Variants in BRD2 observed in about 807,000 individuals in gnomAD.
BRD2 encodes the protein bromodomain-containing protein 2.
Under a neutral mutation model 79.1 loss-of-function variants are expected in BRD2, and 15 were observed. The ratio of observed to expected loss-of-function variants is 0.19; its 90% CI spans 0.13 to 0.29. BRD2 has a LOEUF of 0.29. BRD2 is among the 10% of genes least tolerant of loss of function. The probability of loss-of-function intolerance (pLI) is 1.00; values close to 1 mark genes in which losing one functional copy is unlikely to be tolerated. For synonymous variants in BRD2, 488 were observed against 358.6 expected (o/e 1.36, Z -4.08); for missense variants, 1,053 against 991.3 (o/e 1.06, Z -0.84).
Position 32,971,749 on chromosome 6 carries a change from G to A in BRD2, c.-1150G>A, listed in dbSNP as rs372327634. The A allele has an allele frequency of 4.3e-4, 247 of 580,270 alleles. 2 individuals carry two copies. The East Asian group carries it at 6.8e-3, about 16-fold the overall frequency. The allele number at this position is 580,270 out of a possible 1,614,324, so 35.9% of individuals were successfully genotyped here. ...GAGCTACGAATGGCACGACCTGCTCGAGCTTGGCAGTCTCCAGTTGGGCTG... is the reference window on the plus strand; with the variant it reads ...GAGCTACGAATGGCACGACCTGCTCAAGCTTGGCAGTCTCCAGTTGGGCTG... On this transcript the variant is annotated 5_prime_UTR_variant, in exon 2 of 13. Transcript: ENST00000374825.
rs112099614 is a variant in BRD2, at chr6:32,973,265, T to TG, written c.29+339dup. The TG allele has an allele frequency of 1.1e-3, 1,118 of 1,054,946 alleles. 8 individuals are homozygous for TG. In the African/African-American group the frequency reaches 0.017, roughly 16 times the overall value. The allele number at this position is 1,054,946 out of a possible 1,614,324, so 65.3% of individuals were successfully genotyped here. ...GTGGGTCTGGTATCTAGCGGCGGTC[T>TG]GTTAGCCTTTTAGGGGGGATTCACG... On this transcript the variant is annotated intron_variant, in intron 2 of 12. Transcript: ENST00000374825.
Position 32,972,113 on chromosome 6 carries a change from A to T in BRD2, c.-786A>T, listed in dbSNP as rs1242393260. On this transcript the variant is annotated 5_prime_UTR_variant, in exon 2 of 13. An upstream open reading frame in the 5' UTR gains an earlier in-frame stop. Coordinates refer to ENST00000374825, the MANE Select transcript of BRD2 (RefSeq NM_005104.4). ...GCGCGCGCGCGCGGAGGGGGTGGGG[A>T]AAAGCTCAAGCAGGGTGGCGCGCAT... 1.4e-6 allele frequency: 1 copy of T among 689,808 alleles called. No individual in the cohort carries two copies. The highest frequency in any genetic ancestry group is 1.5e-5 in the South Asian group (1 of 66,006). The allele number at this position is 689,808 out of a possible 1,614,324, so 42.7% of individuals were successfully genotyped here. A position where few individuals can be genotyped will look rare whatever the true frequency, so the allele number is the denominator to read the frequency against.
At chr6:32,975,652 C>T in intron 4 of BRD2, 131 bp downstream of exon 4, 4 of 1,130,316 alleles carry the variant, frequency 3.5e-6, no homozygotes, top group South Asian at 1.5e-5. Flanking sequence ...TAGTCGGAGT[C>T]TTAAAAACCT....
At position 32,969,848 on chromosome 6, in the gene BRD2, T is replaced by A. The variant is rs554716658; in HGVS notation, c.-1305+792T>A. ...ATTTCACAGCTCCCAAGGTTTCGGG[T>A]TTCTCCAGGGTGGCCTCTTCCATCG... On this transcript the variant is annotated intron_variant, in intron 1 of 12. Transcript: ENST00000374825. 3.3e-5 allele frequency among the ~76,000 whole-genome samples: 5 copies of A among 152,146 alleles called. 1 individual carries two copies. Among genetic ancestry groups the A allele is most frequent in the African/African-American group, 1.2e-4 (5 of 41,492 alleles).
rs959520678 is a variant in BRD2, at chr6:32,969,499, C to A, written c.-1305+443C>A. 4 of 600,896 alleles carry A rather than the reference C, an allele frequency of 6.7e-6. No individual in the cohort carries two copies. In the South Asian group the frequency reaches 7.5e-5, roughly 11 times the overall value. 37.2% of individuals were successfully genotyped at this position (600,896 alleles called of 1,614,324 possible). On this transcript the variant is annotated intron_variant, in intron 1 of 12. Coordinates refer to ENST00000374825, the MANE Select transcript of BRD2 (RefSeq NM_005104.4). ...TGAGGTTGTTCCCAGGCGCCAACTT[C>A]CTTTCTCCCCAGAGCCTCTGGAGGG...
Position 32,972,166 on chromosome 6 carries a change from A to G in BRD2, c.-733A>G, listed in dbSNP as rs970157909. The G allele has an allele frequency of 1.6e-6, 1 of 624,286 alleles. No homozygotes were observed. The highest frequency in any genetic ancestry group is 2.9e-6 in the Non-Finnish European group (1 of 343,694). The allele number at this position is 624,286 out of a possible 1,614,324, so 38.7% of individuals were successfully genotyped here. On this transcript the variant is annotated 5_prime_UTR_variant, in exon 2 of 13. Coordinates refer to ENST00000374825, the MANE Select transcript of BRD2 (RefSeq NM_005104.4). ...GCGGCGAAGCTCCTCCTCCCCGCCT[A>G]TATATAAAGGGCTGGCGCGGGGCTC...
At chr6:32,974,997 T>C (rs1455588705) in intron 3 of BRD2, 7 of 1,518,802 alleles carry the variant, frequency 4.6e-6, no homozygotes, top group African/African-American at 4.1e-5. Flanking sequence ...TCCTTAACTT[T>C]TGTGCCCTGG....
rs765704299 is a variant in BRD2 at position 32,976,157 on chromosome 6, G to A, written c.598G>A (p.Ala200Thr). The change falls in exon 5 of 13, where the codon GCC (alanine) becomes ACC (threonine). Residue 200 changes from alanine to threonine, a missense_variant. By Grantham distance (58) the Ala-to-Thr change is moderately conservative. This residue lies in a region of BRD2 where 413 missense variants were observed against 335.1 expected (regional missense o/e 1.23). Transcript: ENST00000374825. The part of the protein sequence containing the change: ...TIPKNSHKKG[A>T]KLAALQGSVT... ...CCCTAAGAACAGCCACAAGAAGGGG[G>A]CCAAGTTGGCAGGTAGGAAGAGTGG... is the stretch of plus-strand genomic sequence containing the variant. The A allele has an allele frequency of 6.2e-7, 1 of 1,612,272 alleles. No individual in the cohort carries two copies. The highest frequency in any genetic ancestry group is 2.2e-5 in the East Asian group (1 of 44,880).
rs772456832 is a variant in BRD2, at chr6:32,974,741, G to A, written c.309G>A (p.Val103=). The change falls in exon 3 of 13, where the codon GTG becomes GTA. Residue 103 remains valine (V), a synonymous_variant. Transcript: ENST00000374825. ...HQFAWPFRQP[V]DAVKLGLPDY... is the part of the protein sequence containing the mutation. Reference sequence around the variant, plus strand: ...TCGCATGGCCATTCCGGCAGCCTGTGGATGCTGTCAAACTGGGTCTACCGG... The same window carrying A: ...TCGCATGGCCATTCCGGCAGCCTGTAGATGCTGTCAAACTGGGTCTACCGG... 9 of 1,613,882 alleles carry A rather than the reference G, an allele frequency of 5.6e-6. No homozygotes were observed. Among genetic ancestry groups the A allele is most frequent in the African/African-American group, 1.3e-5 (1 of 74,930 alleles).
chr6:32,980,135 A>G lies in BRD2; in HGVS notation c.2146+3A>G. 1.2e-6 allele frequency: 2 copies of G among 1,609,754 alleles called. No homozygotes were observed. The highest frequency in any genetic ancestry group is 1.7e-6 in the Non-Finnish European group (2 of 1,178,718). On this transcript the variant is annotated splice_donor_region_variant and intron_variant, in intron 11 of 12. Transcript: ENST00000374825. ...TAAGAAACCCCGGAAGCCCTACAGTACGTATGAAATGAGGTTCATCTCATG... is the reference window on the plus strand; with the variant it reads ...TAAGAAACCCCGGAAGCCCTACAGTGCGTATGAAATGAGGTTCATCTCATG...
In BRD2 at chr6:32,976,017, C is replaced by CT. The variant is rs920630534; in HGVS notation, c.472-13dup. ...ATTTTTTAACTTTCTTTATTGCTGT[C>CT]TGTGTTCTCATAGCCCACTGATGAT... On this transcript the variant is annotated splice_polypyrimidine_tract_variant and intron_variant, in intron 4 of 12. Transcript: ENST00000374825. 4 of 1,587,850 alleles carry CT rather than the reference C, an allele frequency of 2.5e-6. No individual in the cohort carries two copies. Among genetic ancestry groups the CT allele is most frequent in the Non-Finnish European group, 3.4e-6 (4 of 1,171,344 alleles).
At chr6:32,974,845 T>C (rs1487720269) in intron 3 of BRD2, 80 bp downstream of exon 3, 3 of 1,521,338 alleles carry the variant, frequency 2.0e-6, no homozygotes, top group Non-Finnish European at 2.7e-6. Context: ...CTAGTGTAGA[T>C]GCTGCGGCCC....
Position 32,976,576 on chromosome 6 carries a change from G to A in BRD2, c.840G>A (p.Lys280=). ...TCTTTCTGCAGAAAAAAGGCGTAAA[G>A]CGGAAAGCAGATACTACCACCCCTA... ...AQPLAKKKGV[K]RKADTTTPTP... is the part of the protein sequence containing the mutation. Residue 280 remains lysine (K), a synonymous_variant, in exon 7 of 13, where the codon AAG becomes AAA. Transcript: ENST00000374825. 6.3e-7 allele frequency: 1 copy of A among 1,595,946 alleles called. No individual in the cohort carries two copies.
intron 10 of BRD2, 174 bp from the exon 11 acceptor site, chr6:32,979,654 A>G (rs7762195): frequency 1.5e-6 from 1 of 677,338 alleles, no homozygotes; most frequent in Admixed American, 3.1e-5. Flanking sequence ...CAGTCGAGCA[A>G]AATGCTCTGT....
chr6:32,971,558 C>A, intron 1 of BRD2, 37 bp from the exon 2 acceptor site: 1 of 458,914 alleles, frequency 2.2e-6, no homozygotes, highest in Non-Finnish European at 3.8e-6. Flanking sequence ...AGGAGCAGGC[C>A]GCGGCTTCTA....
Position 32,980,932 on chromosome 6 carries a change from G to A in BRD2, c.*214G>A, listed in dbSNP as rs1402832490. The A allele has an allele frequency of 1.6e-6, 1 of 610,364 alleles. No individual in the cohort carries two copies. The allele number at this position is 610,364 out of a possible 1,614,324, so 37.8% of individuals were successfully genotyped here. A position where few individuals can be genotyped will look rare whatever the true frequency, so the allele number is the denominator to read the frequency against. ...ACAACATTGAATTCCCAGCCCCATT[G>A]GGGAGTGATCTCTTGGACACAGAGC... On this transcript the variant is annotated 3_prime_UTR_variant, in exon 13 of 13. Coordinates refer to ENST00000374825, the MANE Select transcript of BRD2 (RefSeq NM_005104.4).
At chr6:32,978,036 G>T (rs2127520939) in intron 9 of BRD2, 31 bp downstream of exon 9, 2 of 1,604,712 alleles carry the variant, frequency 1.2e-6, no homozygotes, top group Non-Finnish European at 1.7e-6. Context: ...GTTTTTATTG[G>T]GTAAGAGGTT....
chr6:32,978,427 T>C, intron 10 of BRD2, 39 bp downstream of exon 10: 1 of 1,593,750 alleles, frequency 6.3e-7, no homozygotes. Flanking sequence ...TTTGGCTATT[T>C]CTGTCTCTCT....
chr6:32,980,597 A>T lies in BRD2; in HGVS notation c.2285A>T (p.Glu762Val). 6.2e-7 allele frequency: 1 copy of T among 1,613,158 alleles called. No homozygotes were observed. Reference sequence around the variant, plus strand: ...TGTTCTGCAGCGAATGAGAAAACAGAGTCATCCTCTGCACAGCAAGTAGCA... The same window carrying T: ...TGTTCTGCAGCGAATGAGAAAACAGTGTCATCCTCTGCACAGCAAGTAGCA... Reference protein sequence around the residue: ...KPPKKANEKTESSSAQQVAVS... With the variant: ...KPPKKANEKTVSSSAQQVAVS... Residue 762 changes from glutamate (E) to valine (V), a missense_variant, in exon 13 of 13, where the codon GAG (glutamate) becomes GTG (valine). By Grantham distance (121) the Glu-to-Val change is moderately radical. Coordinates refer to ENST00000374825, the MANE Select transcript of BRD2 (RefSeq NM_005104.4).
Sources: allele counts gnomAD v4.1 joint callset (sites outside exome capture counted in the v4.1 genomes callset), GRCh38; gene constraint gnomAD v4.1.1; regional missense constraint gnomAD v4.1.1; transcripts MANE v1.5; gene names NCBI Gene and HGNC (gene_info 2026-07-23, HGNC 2026-07-21).